Variants in AGBL1 observed in about 807,000 individuals in gnomAD.
AGBL1 encodes AGBL carboxypeptidase 1.
Under a neutral mutation model 118.9 loss-of-function variants are expected in AGBL1, and 130 were observed. The ratio of observed to expected loss-of-function variants is 1.09; its 90% CI spans 0.95 to 1.26. The LOEUF (loss-of-function observed/expected upper bound fraction) is 1.26, where lower values mean the gene tolerates loss of function less well. Among genes scored for constraint, AGBL1 ranks in the 50% most tolerant of loss-of-function variants. The probability of loss-of-function intolerance (pLI) is 0.00; values close to 1 mark genes in which losing one functional copy is unlikely to be tolerated. For missense variants in AGBL1, 1,584 were observed against 1,298.1 expected, an observed-to-expected ratio of 1.22 and a Z score of -3.38; for synonymous variants, 555 against 478.9, an observed-to-expected ratio of 1.16 and a Z score of -2.08.
At chr15:86,278,957 A>T (rs1416934014) in intron 15 of AGBL1, among the ~76,000 whole-genome samples, 4 of 152,222 alleles carry the variant, frequency 2.6e-5, no homozygotes, top group Non-Finnish European at 5.9e-5. Flanking sequence ...TGACAAATAT[A>T]TTCCTTTGGG....
intron 17 of AGBL1, among the ~76,000 whole-genome samples, chr15:86,342,233 G>A (rs997394): frequency 0.49 from 73,955 of 151,962 alleles, 19,477 homozygotes; most frequent in Middle Eastern, 0.62. Flanking sequence ...ACATTTGGGA[G>A]ATAGCCAAAT....
At chr15:86,467,176 A>T (rs1393434920) in intron 18 of AGBL1, among the ~76,000 whole-genome samples, 2 of 152,054 alleles carry the variant, frequency 1.3e-5, no homozygotes, top group African/African-American at 4.8e-5. Flanking sequence ...CTGCCCCGAG[A>T]GGAGGAATCT....
downstream of AGBL1, among the ~76,000 whole-genome samples, chr15:87,029,426 T>C (rs2081765122): frequency 6.6e-6 from 1 of 151,978 alleles, no homozygotes. Context: ...CATGCTTTGA[T>C]GTGCTAATAC....
chr15:86,283,422 A>G (rs1230134504), intron 16 of AGBL1, among the ~76,000 whole-genome samples: 1 of 151,952 alleles, frequency 6.6e-6, no homozygotes, highest in East Asian at 1.9e-4. Flanking sequence ...TTTTTACCAG[A>G]CACATATACC....
chr15:86,156,579 G>C, intron 4 of AGBL1, among the ~76,000 whole-genome samples: 1 of 152,218 alleles, frequency 6.6e-6, no homozygotes, highest in East Asian at 1.9e-4. Flanking sequence ...GGTAGATGGG[G>C]TGAATGGGAG....
At chr15:86,853,053 A>T (rs970399277) in intron 22 of AGBL1, among the ~76,000 whole-genome samples, 7 of 148,906 alleles carry the variant, frequency 4.7e-5, no homozygotes, top group African/African-American at 1.7e-4. Flanking sequence ...GTTCCAAAAA[A>T]AATCTCAAAG....
intron 20 of AGBL1, among the ~76,000 whole-genome samples, chr15:86,548,458 A>C (rs1301696618): frequency 6.6e-6 from 1 of 152,166 alleles, no homozygotes; most frequent in Non-Finnish European, 1.5e-5. Flanking sequence ...AATTTTGAAA[A>C]GCAGCCCTTT....
chr15:86,880,175 T>A (rs561320853), intron 22 of AGBL1, among the ~76,000 whole-genome samples: 2 of 152,306 alleles, frequency 1.3e-5, no homozygotes, highest in South Asian at 4.1e-4. Flanking sequence ...GCTTGCTGAA[T>A]CTCAGCTTTA....
chr15:86,619,587 T>C (rs2142407387), intron 21 of AGBL1, among the ~76,000 whole-genome samples: 1 of 152,286 alleles, frequency 6.6e-6, no homozygotes, highest in South Asian at 2.1e-4. Context: ...TGCTGGTCAG[T>C]GCAGTCCTAT....
In AGBL1 at chr15:87,014,788, T is replaced by TGTC. The variant is rs1555471913; in HGVS notation, c.3324-14036_3324-14034dup. The stretch of plus-strand genomic sequence containing the variant: ...ACAAGGAGGCCTGCTCTGAATACTA[T>TGTC]GTCTATCTCCCTACTTGCCCTCCAT... On this transcript the variant is annotated intron_variant, in intron 24 of 24. Transcript: ENST00000441037. Among the ~76,000 whole-genome samples the TGTC allele has an allele frequency of 3.3e-5, 5 of 152,276 alleles. No individual in the cohort carries two copies. In the South Asian group the frequency reaches 1.0e-3, roughly 32 times the overall value.
intron 1 of AGBL1, among the ~76,000 whole-genome samples, chr15:86,123,885 C>T (rs1597424829): frequency 6.6e-6 from 1 of 152,092 alleles, no homozygotes; most frequent in Admixed American, 6.5e-5. Flanking sequence ...CTTTTTTATC[C>T]ACAAAGGAAG....
chr15:86,978,444 G>C (rs907118879), intron 23 of AGBL1, among the ~76,000 whole-genome samples: 2 of 152,160 alleles, frequency 1.3e-5, no homozygotes, highest in Non-Finnish European at 2.9e-5. Flanking sequence ...ATAGCTTCTG[G>C]GAAATGTCTA....
intron 18 of AGBL1, among the ~76,000 whole-genome samples, chr15:86,405,554 T>A (rs1317726806): frequency 6.6e-6 from 1 of 151,968 alleles, no homozygotes; most frequent in Non-Finnish European, 1.5e-5. Flanking sequence ...AAAGTGCCTA[T>A]GCCTAAGATT....
chr15:86,448,320 T>C (rs1443273013), intron 18 of AGBL1, among the ~76,000 whole-genome samples: 4 of 152,178 alleles, frequency 2.6e-5, no homozygotes, highest in Non-Finnish European at 5.9e-5. Flanking sequence ...TTTGGGCTAC[T>C]CTTGGGTAAC....
Position 86,345,326 on chromosome 15 carries a change from A to T in AGBL1, c.2374+49918A>T, listed in dbSNP as rs929166601. On this transcript the variant is annotated intron_variant, in intron 17 of 22. Coordinates refer to ENST00000614907, the MANE Select transcript of AGBL1 (RefSeq NM_001386094.1). The stretch of plus-strand genomic sequence containing the variant: ...TGCTAAGCCATCCCCCTGGTGTTTA[A>T]CCTCCCACAGTTTGTGGCACCAATA... 3.3e-5 allele frequency among the ~76,000 whole-genome samples: 5 copies of T among 152,042 alleles called. No individual in the cohort carries two copies. The South Asian group carries it at 1.0e-3, about 32-fold the overall frequency.
At chr15:86,751,880 G>A (rs2077858740) in intron 22 of AGBL1, among the ~76,000 whole-genome samples, 1 of 151,912 alleles carries the variant, frequency 6.6e-6, no homozygotes, top group African/African-American at 2.4e-5. Context: ...CCCTTTTAGG[G>A]AAAAAAACAT....
chr15:86,591,124 G>A (rs1180470690), intron 21 of AGBL1, among the ~76,000 whole-genome samples: 1 of 152,186 alleles, frequency 6.6e-6, no homozygotes, highest in Non-Finnish European at 1.5e-5. Context: ...GCTTAAAGGT[G>A]TCCCTCAATT....
intron 21 of AGBL1, among the ~76,000 whole-genome samples, chr15:86,640,252 A>G (rs1304752695): frequency 1.3e-5 from 2 of 152,182 alleles, no homozygotes; most frequent in East Asian, 1.9e-4. Flanking sequence ...TGTCATTCCT[A>G]TGTTTATAAA....
chr15:86,920,124 C>A (rs1248887967), downstream of AGBL1, among the ~76,000 whole-genome samples: 10 of 152,186 alleles, frequency 6.6e-5, no homozygotes, highest in African/African-American at 2.4e-4. Context: ...GAAACCCAAG[C>A]GTCAGTCAGC....
Sources: gnomAD v4.1 joint callset for allele counts (sites outside exome capture counted in the v4.1 genomes callset) on GRCh38, gnomAD v4.1.1 for gene constraint, MANE v1.5 for transcripts, NCBI Gene and HGNC (gene_info 2026-07-23, HGNC 2026-07-21) for gene names.